Variants in ERCC8 observed in about 807,000 individuals in gnomAD.
ERCC8 encodes DNA excision repair protein ERCC-8.
ERCC8 carries 52 observed loss-of-function variants against 54.9 expected under a neutral mutation model. The ratio of observed to expected loss-of-function variants is 0.95; its 90% CI spans 0.76 to 1.19. The LOEUF is 1.19. Among genes scored for constraint, ERCC8 ranks in the 50% most tolerant of loss-of-function variants. The pLI is 0.00. For missense variants in ERCC8, 514 were observed against 466.1 expected, an observed-to-expected ratio of 1.10 and a Z score of -0.95; for synonymous variants, 146 against 157.2, an observed-to-expected ratio of 0.93 and a Z score of 0.53.
chr5:60,893,802 A>G (rs1188500605), intron 9 of ERCC8, among the ~76,000 whole-genome samples: 2 of 152,136 alleles, frequency 1.3e-5, no homozygotes, highest in Non-Finnish European at 2.9e-5. Flanking sequence ...TTTCATACAC[A>G]TAATATAAAA....
chr5:60,892,770 C>T (rs970471061), intron 9 of ERCC8: 18 of 690,710 alleles, frequency 2.6e-5, no homozygotes, highest in African/African-American at 8.9e-5. Context: ...ATCCAGCAGC[C>T]GGATGAACTT....
Position 60,874,452 on chromosome 5 carries a change from T to C in ERCC8, c.*163A>G. 4 of 659,888 alleles carry C rather than the reference T, an allele frequency of 6.1e-6. No individual in the cohort carries two copies. The South Asian group carries it at 7.9e-5, about 13-fold the overall frequency. 40.9% of individuals were successfully genotyped at this position (659,888 alleles called of 1,614,324 possible). A position where few individuals can be genotyped will look rare whatever the true frequency, so the allele number is the denominator to read the frequency against. On this transcript the variant is annotated 3_prime_UTR_variant, in exon 12 of 12. Coordinates refer to ENST00000676185, the MANE Select transcript of ERCC8 (RefSeq NM_000082.4). ...ACTAAATAAACTATACAGAAGTCTG[T>C]TTTAGGATTTTATGCAAATATTAAC...
intron 1 of ERCC8, among the ~76,000 whole-genome samples, chr5:60,935,060 T>C (rs987540428): frequency 6.6e-6 from 1 of 152,204 alleles, no homozygotes; most frequent in Non-Finnish European, 1.5e-5. Flanking sequence ...TCTTTTTTCC[T>C]AGTTCTGTGA....
Position 60,887,459 on chromosome 5 carries a change from G to T in ERCC8, c.1103C>A (p.Pro368Gln), listed in dbSNP as rs546328344. ...ATTTACCTCATCATCATCAGGAACT[G>T]GTTCATATAAGGATGGAACCCAAGC... The part of the protein sequence containing the change: ...ILAWVPSLYE[P>Q]VPDDDETTTK... The change falls in exon 11 of 12, where the codon CCA becomes CAA. Residue 368 changes from proline to glutamine, a missense_variant. By Grantham distance (76) the Pro-to-Gln change is moderately conservative. Coordinates refer to ENST00000676185, the MANE Select transcript of ERCC8 (RefSeq NM_000082.4). The T allele has an allele frequency of 1.2e-6, 2 of 1,613,200 alleles. No homozygotes were observed. Among genetic ancestry groups the T allele is most frequent in the Non-Finnish European group, 8.5e-7 (1 of 1,179,250 alleles).
intron 6 of ERCC8, chr5:60,903,342 G>A (rs1381850939): frequency 3.8e-6 from 1 of 263,548 alleles, no homozygotes; most frequent in Non-Finnish European, 7.3e-6. Flanking sequence ...TAATACATAT[G>A]AGACAAGTAC....
intron 11 of ERCC8, among the ~76,000 whole-genome samples, chr5:60,877,040 T>C (rs1365464128): frequency 6.6e-6 from 1 of 152,236 alleles, no homozygotes; most frequent in Non-Finnish European, 1.5e-5. Flanking sequence ...TTAATCCATC[T>C]TGAATTGATT....
rs1748431343 is a variant in ERCC8, at chr5:60,887,513, T to C, written c.1049A>G (p.Tyr350Cys). Residue 350 changes from tyrosine to cysteine, a missense_variant, in exon 11 of 12, where the codon TAT becomes TGT. By Grantham distance (194) the Tyr-to-Cys change is radical (BLOSUM62 -2). Coordinates refer to ENST00000676185, the MANE Select transcript of ERCC8 (RefSeq NM_000082.4). ...AATGTTGCAGTCTCTGCTACCACTA[T>C]AAAGTTCCTATAACATAGAAGGCAA... is the stretch of plus-strand genomic sequence containing the variant. Reference protein sequence around the residue: ...CVFQSNFQELYSGSRDCNILA... With the variant: ...CVFQSNFQELCSGSRDCNILA... The C allele has an allele frequency of 1.9e-6, 3 of 1,613,294 alleles. No individual in the cohort carries two copies. Among genetic ancestry groups the C allele is most frequent in the Non-Finnish European group, 1.7e-6 (2 of 1,179,284 alleles).
In ERCC8 at chr5:60,906,499, C is replaced by A. The variant is rs918349354; in HGVS notation, c.400-1626G>T. Reference sequence around the variant, plus strand: ...ATCCCAGTACTTTGGGAGGCCGAGGCAGGCGGATCACTTGAGGTCAGGAGT... The same window carrying A: ...ATCCCAGTACTTTGGGAGGCCGAGGAAGGCGGATCACTTGAGGTCAGGAGT... On this transcript the variant is annotated intron_variant, in intron 4 of 11. Transcript: ENST00000676185. Among the ~76,000 whole-genome samples the A allele has an allele frequency of 7.9e-5, 12 of 152,048 alleles. No homozygotes were observed. The East Asian group carries it at 1.4e-3, about 17-fold the overall frequency.
chr5:60,928,863 C>G lies in ERCC8; in HGVS notation c.173+1G>C. On this transcript the variant is annotated splice_donor_variant, in intron 2 of 11. Transcript: ENST00000676185. LOFTEE classifies it high-confidence loss of function. ...TGATTATACAAGTATAATAAACTTA[C>G]TATCTCCCTTCAACAGGTTCAATGT... 1 of 1,542,858 alleles carries G rather than the reference C, an allele frequency of 6.5e-7. No homozygotes were observed. Among genetic ancestry groups the G allele is most frequent in the Non-Finnish European group, 9.0e-7 (1 of 1,117,096 alleles).
At chr5:60,908,946 G>GT (rs1173392956) in intron 4 of ERCC8, among the ~76,000 whole-genome samples, 4 of 151,930 alleles carry the variant, frequency 2.6e-5, no homozygotes, top group African/African-American at 4.8e-5. Flanking sequence ...ACAGAAAGGC[G>GT]TATCTATATG....
chr5:60,895,126 C>T (rs1310213794), intron 9 of ERCC8, among the ~76,000 whole-genome samples: 6 of 145,078 alleles, frequency 4.1e-5, no homozygotes, highest in South Asian at 2.2e-4. Flanking sequence ...GCCAAGATGG[C>T]GCCACTGCCC....
intron 1 of ERCC8, chr5:60,932,283 T>C (rs1022086328): frequency 1.3e-5 from 2 of 152,214 alleles, no homozygotes; most frequent in African/African-American, 4.8e-5. Context: ...CCTTAAAAAG[T>C]TCTGCTTGCA....
intron 11 of ERCC8, among the ~76,000 whole-genome samples, chr5:60,885,151 A>G (rs781297753): frequency 1.2e-4 from 18 of 151,948 alleles, no homozygotes; most frequent in Admixed American, 9.2e-4. Context: ...AGCTGGAACT[A>G]TAAGTGTAAA....
Position 60,870,938 on chromosome 5 carries a change from C to T in ERCC8, c.*3677G>A, listed in dbSNP as rs1359091420. 1.3e-5 allele frequency among the ~76,000 whole-genome samples: 2 copies of T among 152,116 alleles called. No individual in the cohort carries two copies. Among genetic ancestry groups the T allele is most frequent in the Non-Finnish European group, 2.9e-5 (2 of 68,020 alleles). Reference sequence around the variant, plus strand: ...TTTCTTTTAAACCTCAGTTTACAAGCTTCCAGCTGTAACGAATGAATTCCC... The same window carrying T: ...TTTCTTTTAAACCTCAGTTTACAAGTTTCCAGCTGTAACGAATGAATTCCC... On this transcript the variant is annotated 3_prime_UTR_variant, in exon 12 of 12. Coordinates refer to ENST00000676185, the MANE Select transcript of ERCC8 (RefSeq NM_000082.4).
rs78387646 is a variant in ERCC8 at position 60,897,469 on chromosome 5, A to G, written c.843+807T>C. 8.4e-3 allele frequency among the ~76,000 whole-genome samples: 1,287 copies of G among 152,332 alleles called. 14 individuals carry two copies. Among genetic ancestry groups the G allele is most frequent in the African/African-American group, 0.029 (1,217 of 41,570 alleles). On this transcript the variant is annotated intron_variant, in intron 9 of 11. Transcript: ENST00000676185. The stretch of plus-strand genomic sequence containing the variant: ...ATTAAATGCTAATTATTATTAGCAC[A>G]GTATCTGACATACAAGCTCTCAATA...
intron 11 of ERCC8, among the ~76,000 whole-genome samples, chr5:60,880,013 C>T (rs1231963249): frequency 6.6e-6 from 1 of 152,180 alleles, no homozygotes; most frequent in Non-Finnish European, 1.5e-5. Flanking sequence ...CCGGTTGTTC[C>T]TTTCCATGTT....
At chr5:60,882,531 A>G (rs994027103) in intron 11 of ERCC8, among the ~76,000 whole-genome samples, 143 of 152,130 alleles carry the variant, frequency 9.4e-4, no homozygotes, top group African/African-American at 3.2e-3. Context: ...AGTAGCTGTG[A>G]CTACAGGCGC....
rs903958909 is a variant in ERCC8, at chr5:60,872,585, A to C, written c.*2030T>G. On this transcript the variant is annotated 3_prime_UTR_variant, in exon 12 of 12. Transcript: ENST00000676185. Reference sequence around the variant, plus strand: ...GGGAAATGCAAATTAAAACAACGAGATACCACCTAACACCTGTTAGAATGG... The same window carrying C: ...GGGAAATGCAAATTAAAACAACGAGCTACCACCTAACACCTGTTAGAATGG... Among the ~76,000 whole-genome samples the C allele has an allele frequency of 2.0e-5, 3 of 152,204 alleles. No individual in the cohort carries two copies. The highest frequency in any genetic ancestry group is 4.8e-5 in the African/African-American group (2 of 41,454).
intron 1 of ERCC8, among the ~76,000 whole-genome samples, chr5:60,938,728 G>A (rs765418087): frequency 1.7e-4 from 26 of 152,148 alleles, no homozygotes; most frequent in African/African-American, 2.4e-4. Flanking sequence ...AAGTATGTAC[G>A]TTCTCCACTT....
Sources: allele counts gnomAD v4.1 joint callset (sites outside exome capture counted in the v4.1 genomes callset), GRCh38; gene constraint gnomAD v4.1.1; transcripts MANE v1.5; gene names NCBI Gene and HGNC (gene_info 2026-07-23, HGNC 2026-07-21).